Variants in CNBD1 observed in about 807,000 individuals in gnomAD.
CNBD1 encodes the protein cyclic nucleotide binding domain containing 1.
CNBD1 carries 71 observed loss-of-function variants against 54.4 expected under a neutral mutation model. The observed-to-expected ratio is 1.30, with a 90% CI of 1.08 to 1.59. The LOEUF is 1.59. CNBD1 is among the 40% of genes most tolerant of loss of function. The pLI is 0.00. For missense variants in CNBD1, 659 were observed against 518.0 expected (o/e 1.27, Z -2.64); for synonymous variants, 182 against 170.7 (o/e 1.07, Z -0.51).
chr8:86,931,035 T>C (rs1205506040), intron 3 of CNBD1, among the ~76,000 whole-genome samples: 1 of 152,186 alleles, frequency 6.6e-6, no homozygotes, highest in Non-Finnish European at 1.5e-5. Flanking sequence ...ATGTAGATAA[T>C]AGCTCCAGCT....
At chr8:87,044,579 A>C (rs1343462819) in intron 4 of CNBD1, 1 of 152,224 alleles carries the variant, frequency 6.6e-6, no homozygotes, top group East Asian at 1.9e-4. Flanking sequence ...AACTCCTCTC[A>C]TCTCTGTAGC....
chr8:87,278,203 C>G (rs938186927), intron 6 of CNBD1, among the ~76,000 whole-genome samples: 2 of 151,342 alleles, frequency 1.3e-5, no homozygotes, highest in African/African-American at 4.8e-5. Flanking sequence ...ATGAAAAATT[C>G]TGATAAGTAT....
intron 4 of CNBD1, among the ~76,000 whole-genome samples, chr8:87,198,304 T>G (rs1212797064): frequency 1.3e-5 from 2 of 152,202 alleles, no homozygotes; most frequent in Non-Finnish European, 2.9e-5. Flanking sequence ...TACCACAATG[T>G]GACTTATCTA....
At chr8:87,377,184 G>C (rs1010093811) in intron 10 of CNBD1, among the ~76,000 whole-genome samples, 1 of 146,694 alleles carries the variant, frequency 6.8e-6, no homozygotes. Flanking sequence ...TAAGTTTTAC[G>C]GTACATGTGC....
chr8:87,080,346 G>C (rs1292719042), intron 4 of CNBD1, among the ~76,000 whole-genome samples: 1 of 152,128 alleles, frequency 6.6e-6, no homozygotes, highest in South Asian at 2.1e-4. Context: ...CACTTTGGGA[G>C]GCCGAGGCAG....
intron 4 of CNBD1, among the ~76,000 whole-genome samples, chr8:87,108,452 A>G (rs923495424): frequency 2.6e-5 from 4 of 152,216 alleles, no homozygotes; most frequent in South Asian, 2.1e-4. Flanking sequence ...ACAAGTTACT[A>G]GGTCCAATGT....
intron 4 of CNBD1, among the ~76,000 whole-genome samples, chr8:87,157,091 A>G (rs1423850398): frequency 6.6e-6 from 1 of 152,148 alleles, no homozygotes; most frequent in Non-Finnish European, 1.5e-5. Flanking sequence ...GTTTTAATGA[A>G]GCAGATGTAC....
intron 8 of CNBD1, among the ~76,000 whole-genome samples, chr8:87,327,126 G>T (rs1287068843): frequency 6.9e-6 from 1 of 143,950 alleles, no homozygotes; most frequent in African/African-American, 2.6e-5. Context: ...GGGGGTCAGG[G>T]GTCAGGGACC....
At chr8:87,043,907 A>C (rs1232346056) in intron 4 of CNBD1, among the ~76,000 whole-genome samples, 1 of 152,178 alleles carries the variant, frequency 6.6e-6, no homozygotes, top group African/African-American at 2.4e-5. Context: ...ACTGTCAGAA[A>C]GAAGTTGGTT....
chr8:86,954,748 G>T (rs1280894855), intron 4 of CNBD1, among the ~76,000 whole-genome samples: 2 of 152,280 alleles, frequency 1.3e-5, no homozygotes, highest in East Asian at 3.9e-4. Flanking sequence ...TGCAGATAAG[G>T]TCTGACTATT....
intron 5 of CNBD1, among the ~76,000 whole-genome samples, chr8:87,230,133 G>A (rs532867276): frequency 2.6e-5 from 4 of 152,138 alleles, no homozygotes; most frequent in Admixed American, 2.0e-4. Context: ...AGAAGAGGGA[G>A]GTGCCACATA....
chr8:87,141,858 A>G (rs555653232), intron 4 of CNBD1, among the ~76,000 whole-genome samples: 1 of 152,260 alleles, frequency 6.6e-6, no homozygotes, highest in East Asian at 1.9e-4. Context: ...TATAGCACTC[A>G]GGGCCTATAC....
intron 4 of CNBD1, among the ~76,000 whole-genome samples, chr8:87,125,928 A>G (rs1425105507): frequency 6.6e-6 from 1 of 151,854 alleles, no homozygotes; most frequent in East Asian, 1.9e-4. Flanking sequence ...AAGGAATCAT[A>G]TATTATTCTT....
chr8:87,236,318 C>T (rs1473062667), intron 5 of CNBD1, among the ~76,000 whole-genome samples: 3 of 152,010 alleles, frequency 2.0e-5, no homozygotes, highest in Admixed American at 6.6e-5. Context: ...TGTACAGGCA[C>T]ACAGTTTAAC....
chr8:87,328,546 A>T (rs1809742924), intron 8 of CNBD1, among the ~76,000 whole-genome samples: 2 of 151,880 alleles, frequency 1.3e-5, no homozygotes. Context: ...AGAAACTATG[A>T]GGACTTCTTC....
chr8:87,127,134 G>A (rs1812009385), intron 4 of CNBD1, among the ~76,000 whole-genome samples: 1 of 151,790 alleles, frequency 6.6e-6, no homozygotes, highest in South Asian at 2.1e-4. Context: ...AATCATTTTG[G>A]ATATTCTAGG....
chr8:87,405,553 A>G (rs1807638279), intron 2 of CNBD1, among the ~76,000 whole-genome samples: 1 of 152,236 alleles, frequency 6.6e-6, no homozygotes, highest in South Asian at 2.1e-4. Flanking sequence ...ACTGCCTAAG[A>G]CAAGGTTACC....
intron 10 of CNBD1, among the ~76,000 whole-genome samples, chr8:87,365,036 GTTC>G (rs1317547161): frequency 2.0e-5 from 3 of 151,992 alleles, no homozygotes; most frequent in African/African-American, 7.2e-5. Context: ...TCAAATGGTA[GTTC>G]TTGTTTTAGG....
Position 87,193,932 on chromosome 8 carries a change from G to A in CNBD1, c.432-12061G>A, listed in dbSNP as rs115509300. ...ATTTCATGTATATCCTAGTGCAGGGGTCCCTAACCCTGGGCCATAGACTGA... is the reference window on the plus strand; with the variant it reads ...ATTTCATGTATATCCTAGTGCAGGGATCCCTAACCCTGGGCCATAGACTGA... On this transcript the variant is annotated intron_variant, in intron 4 of 10. Transcript: ENST00000518476. Among the ~76,000 whole-genome samples the A allele has an allele frequency of 3.2e-3, 488 of 152,274 alleles. 2 individuals are homozygous for A. The highest frequency in any genetic ancestry group is 0.011 in the African/African-American group (452 of 41,544).
Sources: allele counts gnomAD v4.1 joint callset (sites outside exome capture counted in the v4.1 genomes callset), GRCh38; gene constraint gnomAD v4.1.1; transcripts MANE v1.5; gene names NCBI Gene and HGNC (gene_info 2026-07-23, HGNC 2026-07-21).